Variants in ANKRD11 observed in about 807,000 individuals in gnomAD.
ANKRD11 encodes the protein ankyrin repeat domain 11, also known as ankyrin repeat domain-containing protein 11.
A neutral mutation model predicts 195.7 loss-of-function variants in ANKRD11; 17 were observed. That is an observed-to-expected ratio of 0.09 (90% CI 0.06 to 0.13). ANKRD11 has a LOEUF of 0.13. ANKRD11 is among the 10% of genes least tolerant of loss of function. The pLI, the probability that ANKRD11 is intolerant of heterozygous loss-of-function variation, is 1.00. For synonymous variants in ANKRD11, 1,953 were observed against 1,528.1 expected, an observed-to-expected ratio of 1.28 and a Z score of -6.49; for missense variants, 3,735 against 3,566.1, an observed-to-expected ratio of 1.05 and a Z score of -1.21.
intron 2 of ANKRD11, among the ~76,000 whole-genome samples, chr16:89,327,208 TAAA>T: frequency 6.6e-6 from 1 of 152,234 alleles, no homozygotes; most frequent in Admixed American, 6.5e-5. Context: ...GCCAACAAGC[TAAA>T]GAAGAAACAC....
chr16:89,400,114 T>C (rs1349565344), intron 2 of ANKRD11, among the ~76,000 whole-genome samples: 2 of 13,828 alleles, frequency 1.4e-4, no homozygotes, highest in Admixed American at 1.1e-3. Context: ...GGGACGGTCA[T>C]CTGCTGCCCC....
At chr16:89,277,929 G>A (rs1174558352) in intron 9 of ANKRD11, 1 of 157,396 alleles carries the variant, frequency 6.4e-6, no homozygotes, top group African/African-American at 2.4e-5. Context: ...CAGGCGGCCT[G>A]GGCCCACAGA....
chr16:89,410,127 C>T (rs1285185811), intron 2 of ANKRD11, among the ~76,000 whole-genome samples: 1 of 152,208 alleles, frequency 6.6e-6, no homozygotes, highest in Non-Finnish European at 1.5e-5. Context: ...GCGTGAGCCA[C>T]CGCGTCCAGC....
At chr16:89,332,204 T>C (rs1218578983) in intron 2 of ANKRD11, among the ~76,000 whole-genome samples, 1 of 151,920 alleles carries the variant, frequency 6.6e-6, no homozygotes, top group African/African-American at 2.4e-5. Flanking sequence ...CTTCCTTACG[T>C]ATTAAAGAAT....
rs574679956 is a variant in ANKRD11, at chr16:89,369,262, C to T, written c.-60+49022G>A. ...CAGTGCAGCGACCTACACCTAGGTACGCCCGAGAAATGCCCACACGTCTCC... is the reference window on the plus strand; with the variant it reads ...CAGTGCAGCGACCTACACCTAGGTATGCCCGAGAAATGCCCACACGTCTCC... On this transcript the variant is annotated intron_variant, in intron 2 of 12. Transcript: ENST00000301030. Among the ~76,000 whole-genome samples the T allele has an allele frequency of 6.6e-5, 10 of 152,360 alleles. 1 individual carries two copies. The East Asian group carries it at 1.9e-3, about 29-fold the overall frequency.
rs1372055283 is a variant in ANKRD11 at position 89,490,508 on chromosome 16, C to T, written c.-408G>A. 2 of 468,100 alleles carry T rather than the reference C, an allele frequency of 4.3e-6. No homozygotes were observed. Among genetic ancestry groups the T allele is most frequent in the South Asian group, 3.4e-5 (1 of 29,436 alleles). 29.0% of individuals were successfully genotyped at this position (468,100 alleles called of 1,614,324 possible). Reference sequence around the variant, plus strand: ...CGTCTGGCCGCGGGCTCGGCGGCGGCGCCTCCCCGGCTGGGGCCCTCGGTC... The same window carrying T: ...CGTCTGGCCGCGGGCTCGGCGGCGGTGCCTCCCCGGCTGGGGCCCTCGGTC... On this transcript the variant is annotated 5_prime_UTR_variant, in exon 1 of 13. Transcript: ENST00000301030.
intron 3 of ANKRD11, among the ~76,000 whole-genome samples, chr16:89,306,780 GCGC>G (rs2036293766): frequency 2.7e-5 from 1 of 36,612 alleles, no homozygotes; most frequent in Non-Finnish European, 4.8e-5. Context: ...CCGCAGACAC[GCGC>G]CACCTACCTC....
chr16:89,286,848 A>C, intron 7 of ANKRD11: 1 of 1,287,612 alleles, frequency 7.8e-7, no homozygotes, highest in Non-Finnish European at 1.0e-6. Flanking sequence ...ACTGAACTCA[A>C]GTACAAATTA....
intron 2 of ANKRD11, among the ~76,000 whole-genome samples, chr16:89,396,431 C>T (rs1206316794): frequency 6.6e-6 from 1 of 152,134 alleles, no homozygotes; most frequent in Non-Finnish European, 1.5e-5. Flanking sequence ...CTGCTGGAAA[C>T]GCTCACAGCA....
At chr16:89,402,881 C>T (rs1326465195) in intron 2 of ANKRD11, among the ~76,000 whole-genome samples, 2 of 151,542 alleles carry the variant, frequency 1.3e-5, no homozygotes, top group African/African-American at 2.4e-5. Context: ...CAGGCTCTCC[C>T]GGGGGAAGGA....
intron 1 of ANKRD11, among the ~76,000 whole-genome samples, chr16:89,428,280 C>G (rs959130959): frequency 2.6e-5 from 4 of 152,128 alleles, no homozygotes; most frequent in African/African-American, 9.7e-5. Context: ...AATCCCAGCA[C>G]TTTGGGAGGC....
At position 89,291,899 on chromosome 16, in the gene ANKRD11, G is replaced by T; in HGVS notation, c.227-716C>A. 1.7e-6 allele frequency: 1 copy of T among 596,980 alleles called. No individual in the cohort carries two copies. The highest frequency in any genetic ancestry group is 2.8e-6 in the Non-Finnish European group (1 of 362,844). The allele number at this position is 596,980 out of a possible 1,614,324, so 37.0% of individuals were successfully genotyped here. A position where few individuals can be genotyped will look rare whatever the true frequency, so the allele number is the denominator to read the frequency against. On this transcript the variant is annotated intron_variant, in intron 4 of 12. Transcript: ENST00000301030. This position sits in a 1 kb window ranked among gnomAD's most constrained non-coding sequence, Gnocchi z 5.3. The stretch of plus-strand genomic sequence containing the variant: ...TGACCCGTTACAGAACACTCGGCTG[G>T]CGTCTAACGCAACTCACGTGCTGTG...
chr16:89,285,712 G>A lies in ANKRD11; in HGVS notation c.893-63C>T. ...CAAAACAGCTCTCCCCAGAATGGCA[G>A]AGGAGGGAGGCTCTGCAGATGTGTC... On this transcript the variant is annotated intron_variant, in intron 8 of 12. Coordinates refer to ENST00000301030, the MANE Select transcript of ANKRD11 (RefSeq NM_013275.6). The surrounding 1 kb of genome is among the most constrained non-coding windows in gnomAD (Gnocchi z 5.6). 6.4e-7 allele frequency: 1 copy of A among 1,555,622 alleles called. No individual in the cohort carries two copies. The highest frequency in any genetic ancestry group is 8.9e-7 in the Non-Finnish European group (1 of 1,127,414).
At chr16:89,276,328 G>A (rs181871845) in intron 9 of ANKRD11, among the ~76,000 whole-genome samples, 4 of 152,310 alleles carry the variant, frequency 2.6e-5, no homozygotes, top group Non-Finnish European at 4.4e-5. Flanking sequence ...GACGAGAGCC[G>A]TGGACAGCGA....
intron 1 of ANKRD11, among the ~76,000 whole-genome samples, chr16:89,460,971 C>A (rs191666786): frequency 4.8e-5 from 4 of 82,614 alleles, no homozygotes; most frequent in Admixed American, 1.3e-4. Flanking sequence ...ATCGTATGAC[C>A]CCCCCCCCCA....
chr16:89,486,266 CCT>C (rs2057610738), intron 1 of ANKRD11, among the ~76,000 whole-genome samples: 1 of 151,820 alleles, frequency 6.6e-6, no homozygotes, highest in African/African-American at 2.4e-5. Context: ...ACAGGAAGAC[CCT>C]GTTTCTACAA....
chr16:89,463,813 T>TTAC (rs371840624), intron 1 of ANKRD11, among the ~76,000 whole-genome samples: 9 of 32,056 alleles, frequency 2.8e-4, no homozygotes, highest in Non-Finnish European at 5.9e-4. Context: ...CAATAGACTG[T>TTAC]TAAGTTTAAT....
At chr16:89,290,246 G>A (rs983952598) in intron 6 of ANKRD11, among the ~76,000 whole-genome samples, 1 of 25,646 alleles carries the variant, frequency 3.9e-5, no homozygotes, top group Non-Finnish European at 1.7e-4. Context: ...GGGCTCCAGC[G>A]GGGGGTAGGC....
Position 89,279,301 on chromosome 16 carries a change from G to A in ANKRD11, c.7241C>T (p.Thr2414Met), listed in dbSNP as rs1241218775. 1 of 1,611,784 alleles carries A rather than the reference G, an allele frequency of 6.2e-7. No homozygotes were observed. Among genetic ancestry groups the A allele is most frequent in the Non-Finnish European group, 8.5e-7 (1 of 1,179,682 alleles). ...GATGGCGTCCACGATGGCGGCCAGCGTCTGCTGGATCACCTCCCGCGTCTG... is the reference window on the plus strand; with the variant it reads ...GATGGCGTCCACGATGGCGGCCAGCATCTGCTGGATCACCTCCCGCGTCTG... Reference protein sequence around the residue: ...TQQTREVIQQTLAAIVDAIKL... With the variant: ...TQQTREVIQQMLAAIVDAIKL... Residue 2414 changes from threonine to methionine, a missense_variant, in exon 9 of 13, where the codon ACG becomes ATG. Thr to Met is a moderately conservative substitution (Grantham distance 81). Coordinates refer to ENST00000301030, the MANE Select transcript of ANKRD11 (RefSeq NM_013275.6). This position sits in a 1 kb window ranked among gnomAD's most constrained non-coding sequence, Gnocchi z 5.6.
Sources: gnomAD v4.1 joint callset for allele counts (sites outside exome capture counted in the v4.1 genomes callset) on GRCh38, gnomAD v4.1.1 for gene constraint, Gnocchi (gnomAD v3.1) non-coding constraint, MANE v1.5 for transcripts, NCBI Gene and HGNC (gene_info 2026-07-23, HGNC 2026-07-21) for gene names.